Variants in TMEM45A observed in about 807,000 individuals in gnomAD.
TMEM45A encodes the protein transmembrane protein 45A.
TMEM45A carries 25 observed loss-of-function variants against 32.0 expected under a neutral mutation model. The observed-to-expected ratio is 0.78, with a 90% CI of 0.57 to 1.09. The LOEUF is 1.09. TMEM45A is among the 50% of genes least tolerant of loss of function. TMEM45A has a pLI of 0.00. For synonymous variants in TMEM45A, 122 were observed against 114.8 expected, an observed-to-expected ratio of 1.06 and a Z score of -0.40; for missense variants, 302 against 325.0, an observed-to-expected ratio of 0.93 and a Z score of 0.54.
chr3:100,522,553 C>G (rs1705456227), intron 1 of TMEM45A, among the ~76,000 whole-genome samples: 1 of 152,164 alleles, frequency 6.6e-6, no homozygotes, highest in African/African-American at 2.4e-5. Context: ...GGCCTATAGT[C>G]TAATCAATGC....
chr3:100,515,015 T>G (rs1708236413), intron 1 of TMEM45A, among the ~76,000 whole-genome samples: 1 of 150,458 alleles, frequency 6.6e-6, no homozygotes, highest in South Asian at 2.1e-4. Flanking sequence ...AGGAACACTT[T>G]TACACTGTTG....
At chr3:100,575,097 T>C (rs1453248256) in intron 5 of TMEM45A, among the ~76,000 whole-genome samples, 1 of 152,136 alleles carries the variant, frequency 6.6e-6, no homozygotes, top group East Asian at 1.9e-4. Context: ...AATTTTTCAT[T>C]TGTGAAGAGT....
chr3:100,531,291 C>T (rs1243130482), intron 1 of TMEM45A, among the ~76,000 whole-genome samples: 2 of 151,758 alleles, frequency 1.3e-5, no homozygotes, highest in African/African-American at 4.8e-5. Context: ...TGTGTGTCTG[C>T]GTGAGTGTAT....
Position 100,494,793 on chromosome 3 carries a change from C to A in TMEM45A, c.-4+1865C>A, listed in dbSNP as rs549730333. 1.1e-4 allele frequency among the ~76,000 whole-genome samples: 16 copies of A among 152,280 alleles called. No homozygotes were observed. The South Asian group carries it at 3.3e-3, about 32-fold the overall frequency. On this transcript the variant is annotated intron_variant, in intron 1 of 5. Coordinates refer to ENST00000323523, the MANE Select transcript of TMEM45A (RefSeq NM_018004.3). Reference sequence around the variant, plus strand: ...TGGCCTGGTTCAATTTACAGCCCTACAACAGTAACTTACCTAGGGCAAGTT... The same window carrying A: ...TGGCCTGGTTCAATTTACAGCCCTAAAACAGTAACTTACCTAGGGCAAGTT...
At chr3:100,521,019 G>C (rs553766334) in intron 1 of TMEM45A, among the ~76,000 whole-genome samples, 1 of 152,248 alleles carries the variant, frequency 6.6e-6, no homozygotes, top group East Asian at 1.9e-4. Context: ...TTTCATGAAG[G>C]GGGATATCTG....
chr3:100,514,550 C>T (rs1291957092), intron 1 of TMEM45A, among the ~76,000 whole-genome samples: 1 of 151,840 alleles, frequency 6.6e-6, no homozygotes, highest in Non-Finnish European at 1.5e-5. Flanking sequence ...CATTACCATT[C>T]AGGACATAGG....
At position 100,556,802 on chromosome 3, in the gene TMEM45A, T is replaced by C. The variant is rs2148983042; in HGVS notation, c.233T>C (p.Met78Thr). ...TTTATTCCTGGAGGGCCCCATCTGATGTTATATGACTATAAACAAGGTCAC... is the reference window on the plus strand; with the variant it reads ...TTTATTCCTGGAGGGCCCCATCTGACGTTATATGACTATAAACAAGGTCAC... ...EQFIPGGPHL[M>T]LYDYKQGHWN... is the part of the protein sequence containing the mutation. Residue 78 changes from methionine (M) to threonine (T), a missense_variant, in exon 3 of 6, where the codon ATG becomes ACG. Transcript: ENST00000323523. 6.2e-7 allele frequency: 1 copy of C among 1,614,104 alleles called. No individual in the cohort carries two copies. Among genetic ancestry groups the C allele is most frequent in the Non-Finnish European group, 8.5e-7 (1 of 1,180,014 alleles).
intron 1 of TMEM45A, among the ~76,000 whole-genome samples, chr3:100,546,643 G>C (rs1705984976): frequency 6.6e-6 from 1 of 152,206 alleles, no homozygotes; most frequent in South Asian, 2.1e-4. Flanking sequence ...TACAGTGGTG[G>C]TAAGTAAATA....
In TMEM45A at chr3:100,537,580, C is replaced by T. The variant is rs115992126; in HGVS notation, c.-3-17629C>T. On this transcript the variant is annotated intron_variant, in intron 1 of 5. Coordinates refer to ENST00000323523, the MANE Select transcript of TMEM45A (RefSeq NM_018004.3). ...AGAACCCAAAATACGCTCCAGTGTCCTCCTGAGAATTGGTTGTGTTGGGCA... is the reference window on the plus strand; with the variant it reads ...AGAACCCAAAATACGCTCCAGTGTCTTCCTGAGAATTGGTTGTGTTGGGCA... Among the ~76,000 whole-genome samples the T allele has an allele frequency of 3.1e-3, 478 of 152,234 alleles. 4 individuals carry two copies. Among genetic ancestry groups the T allele is most frequent in the Non-Finnish European group, 5.1e-3 (349 of 68,030 alleles).
intron 1 of TMEM45A, chr3:100,519,727 G>A: frequency 9.7e-7 from 1 of 1,032,908 alleles, no homozygotes; most frequent in Non-Finnish European, 1.4e-6. Context: ...CATTGTGCAA[G>A]TAACTTATTG....
intron 1 of TMEM45A, among the ~76,000 whole-genome samples, chr3:100,499,697 C>T (rs112640161): frequency 0.023 from 3,433 of 152,150 alleles, 121 homozygotes; most frequent in African/African-American, 0.079. Context: ...AGCAACATAG[C>T]GAAACCCCAT....
At chr3:100,506,382 C>T (rs916294658) in intron 1 of TMEM45A, among the ~76,000 whole-genome samples, 1 of 152,040 alleles carries the variant, frequency 6.6e-6, no homozygotes, top group African/African-American at 2.4e-5. Flanking sequence ...CGGTGCCAAA[C>T]AAGGTAAAAT....
intron 1 of TMEM45A, chr3:100,519,752 T>C (rs1386447121): frequency 1.2e-6 from 1 of 824,528 alleles, no homozygotes; most frequent in African/African-American, 1.7e-5. Context: ...TTGTGGCTGA[T>C]CAAGGCAAAG....
intron 1 of TMEM45A, among the ~76,000 whole-genome samples, chr3:100,515,242 T>C (rs566705985): frequency 6.6e-6 from 1 of 151,924 alleles, no homozygotes; most frequent in African/African-American, 2.4e-5. Context: ...TGTCCAACAA[T>C]GATAGACTGG....
In TMEM45A at chr3:100,515,624, A is replaced by T. The variant is rs180723729; in HGVS notation, c.-4+22696A>T. On this transcript the variant is annotated intron_variant, in intron 1 of 5. Coordinates refer to ENST00000323523, the MANE Select transcript of TMEM45A (RefSeq NM_018004.3). The stretch of plus-strand genomic sequence containing the variant: ...GCACATGTACCCTAAAACTTAAAGT[A>T]TAATAATAAAAAAAAAAAAAGAAAA... Among the ~76,000 whole-genome samples, 8 of 121,682 alleles carry T rather than the reference A, an allele frequency of 6.6e-5. No homozygotes were observed. In the East Asian group the frequency reaches 1.7e-3, roughly 26 times the overall value. The allele number at this position is 121,682 out of a possible 152,430, so 79.8% of individuals were successfully genotyped here.
intron 1 of TMEM45A, chr3:100,519,178 T>C (rs1378302914): frequency 1.1e-5 from 2 of 183,536 alleles, no homozygotes; most frequent in South Asian, 3.3e-4. Context: ...GAAAAGAGAG[T>C]TTTCTGGAGC....
intron 2 of TMEM45A, 104 bp downstream of exon 2, chr3:100,555,505 C>G: frequency 8.2e-7 from 1 of 1,226,010 alleles, no homozygotes; most frequent in African/African-American, 1.5e-5. Flanking sequence ...TTGTTCTGAT[C>G]TCTGAAAGAA....
intron 1 of TMEM45A, among the ~76,000 whole-genome samples, chr3:100,530,168 C>T (rs1281461242): frequency 6.6e-6 from 1 of 152,124 alleles, no homozygotes; most frequent in African/African-American, 2.4e-5. Context: ...TCCTGTCCCC[C>T]AGATAATATT....
chr3:100,496,787 A>T (rs1559631374), intron 1 of TMEM45A, among the ~76,000 whole-genome samples: 1 of 152,230 alleles, frequency 6.6e-6, no homozygotes, highest in Non-Finnish European at 1.5e-5. Flanking sequence ...TGTCAATTGA[A>T]TGACTGTCCC....
Sources: allele counts gnomAD v4.1 joint callset (sites outside exome capture counted in the v4.1 genomes callset), GRCh38; gene constraint gnomAD v4.1.1; transcripts MANE v1.5; gene names NCBI Gene and HGNC (gene_info 2026-07-23, HGNC 2026-07-21).